GRM5: variants seen among roughly 807,000 people sequenced by gnomAD.
GRM5 encodes the protein metabotropic glutamate receptor 5.
In GRM5, 19 loss-of-function variants were observed where a neutral mutation model predicts 83.1. The observed-to-expected ratio is 0.23, with a 90% CI of 0.16 to 0.34. GRM5 has a LOEUF of 0.34. Ranked by LOEUF, GRM5 falls within the 10% of genes least tolerant of loss-of-function variation. GRM5 has a pLI of 1.00. For synonymous variants in GRM5, 675 were observed against 633.6 expected (o/e 1.07, Z -0.98); for missense variants, 1,160 against 1,588.3 (o/e 0.73, Z 4.58).
At chr11:88,892,156 CTT>C (rs34754677) in intron 2 of GRM5, among the ~76,000 whole-genome samples, 123,075 of 140,924 alleles carry the variant, frequency 0.87, 53,952 homozygotes, top group Non-Finnish European at 0.93. Context: ...CACAAGAAGT[CTT>C]TTTTTTTTTT....
chr11:88,792,813 T>C (rs1469087633), intron 3 of GRM5, among the ~76,000 whole-genome samples: 1 of 152,154 alleles, frequency 6.6e-6, no homozygotes, highest in Non-Finnish European at 1.5e-5. Context: ...AATTATACCA[T>C]AACCATTTGT....
chr11:88,660,109 C>G (rs1939866428), intron 3 of GRM5, among the ~76,000 whole-genome samples: 1 of 152,198 alleles, frequency 6.6e-6, no homozygotes, highest in Non-Finnish European at 1.5e-5. Context: ...GTCCATTAGG[C>G]ATGACCTGCC....
At chr11:89,040,272 A>G (rs1565347611) in intron 2 of GRM5, among the ~76,000 whole-genome samples, 2 of 152,214 alleles carry the variant, frequency 1.3e-5, no homozygotes, top group Non-Finnish European at 2.9e-5. Flanking sequence ...CCAAGATAGC[A>G]TTAATGTAAT....
At chr11:88,675,515 T>G (rs898560152) in intron 3 of GRM5, among the ~76,000 whole-genome samples, 1 of 151,936 alleles carries the variant, frequency 6.6e-6, no homozygotes, top group African/African-American at 2.4e-5. Context: ...TCAAGAAAAT[T>G]AGAGTATTTT....
intron 5 of GRM5, among the ~76,000 whole-genome samples, chr11:88,598,985 T>C (rs563811498): frequency 6.6e-6 from 1 of 152,342 alleles, no homozygotes; most frequent in East Asian, 1.9e-4. Context: ...GCATCAGAGC[T>C]AGGACCTAAA....
intron 4 of GRM5, among the ~76,000 whole-genome samples, chr11:88,605,301 G>A (rs1252977511): frequency 6.6e-6 from 1 of 151,622 alleles, no homozygotes; most frequent in Non-Finnish European, 1.5e-5. Context: ...CATTTCATTA[G>A]TATGAGCTGT....
intron 2 of GRM5, among the ~76,000 whole-genome samples, chr11:88,912,746 T>C (rs1945520413): frequency 6.6e-6 from 1 of 152,240 alleles, no homozygotes; most frequent in Admixed American, 6.5e-5. Flanking sequence ...TATTCCATTA[T>C]GAAACAGCTG....
chr11:89,014,126 ATGTT>A (rs1250597333), intron 2 of GRM5, among the ~76,000 whole-genome samples: 1 of 152,200 alleles, frequency 6.6e-6, no homozygotes, highest in African/African-American at 2.4e-5. Context: ...ATACATATAT[ATGTT>A]TGTGCATGTG....
chr11:88,810,781 TGA>T (rs1943576008), intron 3 of GRM5, among the ~76,000 whole-genome samples: 1 of 152,132 alleles, frequency 6.6e-6, no homozygotes, highest in African/African-American at 2.4e-5. Flanking sequence ...CCAGGATCAT[TGA>T]ATAAAAAAGA....
intron 2 of GRM5, among the ~76,000 whole-genome samples, chr11:88,914,355 A>T (rs114106094): frequency 0.036 from 5,541 of 152,286 alleles, 162 homozygotes; most frequent in African/African-American, 0.072. Flanking sequence ...TATAGTAGTG[A>T]CCAATCACAT....
chr11:88,905,288 G>C (rs541279), intron 2 of GRM5, among the ~76,000 whole-genome samples: 1 of 152,098 alleles, frequency 6.6e-6, no homozygotes, highest in Non-Finnish European at 1.5e-5. Context: ...GCAAAAGATA[G>C]GCCCGTGTGG....
intron 3 of GRM5, among the ~76,000 whole-genome samples, chr11:88,728,894 T>C (rs1941743068): frequency 6.6e-6 from 1 of 152,186 alleles, no homozygotes. Context: ...AAGTTATTTA[T>C]GACAAACTCA....
intron 2 of GRM5, among the ~76,000 whole-genome samples, chr11:88,980,649 C>G (rs1205417413): frequency 6.6e-6 from 1 of 151,852 alleles, no homozygotes; most frequent in Admixed American, 6.6e-5. Flanking sequence ...GGTGAGCCCC[C>G]GTCTCTACTA....
At chr11:88,977,157 G>A (rs1296855581) in intron 2 of GRM5, among the ~76,000 whole-genome samples, 1 of 149,760 alleles carries the variant, frequency 6.7e-6, no homozygotes, top group African/African-American at 2.4e-5. Context: ...ATTCATCCCA[G>A]GTGATTTAAC....
rs1942058734 is a variant in GRM5 at position 88,742,938 on chromosome 11, C to CA, written c.912-89536dup. Among the ~76,000 whole-genome samples the CA allele has an allele frequency of 3.9e-5, 6 of 152,092 alleles. No homozygotes were observed. The South Asian group carries it at 1.2e-3, about 32-fold the overall frequency. On this transcript the variant is annotated intron_variant, in intron 3 of 9. Coordinates refer to ENST00000305447, the MANE Select transcript of GRM5 (RefSeq NM_001143831.3). ...AACAAGACGAGGAGGAAGCTCCAGTCAGCTCCTCTTCATGCAGAAATGGCA... is the reference window on the plus strand; with the variant it reads ...AACAAGACGAGGAGGAAGCTCCAGTCAAGCTCCTCTTCATGCAGAAATGGCA...
intron 2 of GRM5, among the ~76,000 whole-genome samples, chr11:88,854,711 C>T (rs1395255996): frequency 2.0e-5 from 3 of 151,852 alleles, no homozygotes; most frequent in African/African-American, 7.3e-5. Flanking sequence ...GGGTACACTA[C>T]AAGCCTCAAA....
intron 3 of GRM5, among the ~76,000 whole-genome samples, chr11:88,791,947 G>C (rs1230298861): frequency 1.3e-5 from 2 of 152,078 alleles, no homozygotes; most frequent in Non-Finnish European, 2.9e-5. Context: ...TGAAAAAAGA[G>C]TAAAATGGAT....
At chr11:88,797,331 G>A (rs139635783) in intron 3 of GRM5, among the ~76,000 whole-genome samples, 3 of 151,948 alleles carry the variant, frequency 2.0e-5, no homozygotes, top group Admixed American at 6.6e-5. Flanking sequence ...TAGTAGAGAC[G>A]GAGTTTCACC....
chr11:88,612,858 C>G (rs547555513), intron 4 of GRM5: 1 of 152,240 alleles, frequency 6.6e-6, no homozygotes, highest in Non-Finnish European at 1.5e-5. Flanking sequence ...AGGGGCCATG[C>G]TAATCTTCTC....
Sources: gnomAD v4.1 joint callset for allele counts (sites outside exome capture counted in the v4.1 genomes callset) on GRCh38, gnomAD v4.1.1 for gene constraint, MANE v1.5 for transcripts, NCBI Gene and HGNC (gene_info 2026-07-23, HGNC 2026-07-21) for gene names.